Variants in NFU1 observed in about 807,000 individuals in gnomAD.
The protein encoded by NFU1 is NFU1 iron-sulfur cluster scaffold.
NFU1 carries 30 observed loss-of-function variants against 32.2 expected under a neutral mutation model. The ratio of observed to expected loss-of-function variants is 0.93; its 90% CI spans 0.70 to 1.26. NFU1 has a LOEUF of 1.26. NFU1 is among the 50% of genes most tolerant of loss of function. The pLI, the probability that NFU1 is intolerant of heterozygous loss-of-function variation, is 0.00. For synonymous variants in NFU1, 112 were observed against 104.6 expected (o/e 1.07, Z -0.43); for missense variants, 306 against 306.6 (o/e 1.00, Z 0.02).
chr2:69,396,344 C>T (rs1672330537), intron 7 of NFU1, 54 bp from the exon 8 acceptor site: 1 of 1,366,586 alleles, frequency 7.3e-7, no homozygotes. Context: ...TTAGATTTTG[C>T]TGTTTTCCTG....
chr2:69,424,219 A>ATATCTCTCTCTC (rs1427664911), intron 2 of NFU1, among the ~76,000 whole-genome samples: 28 of 126,856 alleles, frequency 2.2e-4, no homozygotes, highest in African/African-American at 7.7e-4. Context: ...ATATATATAT[A>ATATCTCTCTCTC]TCTCAATATA....
intron 2 of NFU1, among the ~76,000 whole-genome samples, chr2:69,424,368 G>T (rs989577352): frequency 9.3e-5 from 14 of 150,352 alleles, no homozygotes; most frequent in African/African-American, 3.2e-4. Context: ...GGTTCACTAC[G>T]ACCTCAAATT....
intron 2 of NFU1, among the ~76,000 whole-genome samples, chr2:69,426,582 G>A (rs926830895): frequency 5.3e-5 from 8 of 151,850 alleles, no homozygotes; most frequent in African/African-American, 1.5e-4. Context: ...CACTGTGCCC[G>A]CCAACTCTTT....
chr2:69,434,830 TG>T lies in NFU1; in HGVS notation c.62+2530del, dbSNP rs374121562. The stretch of plus-strand genomic sequence containing the variant: ...GTGGAGTTTTAGTACTCAGTCTCTC[TG>T]GATCTGAGGCTAGGGGTTTTCAAGG... On this transcript the variant is annotated intron_variant, in intron 1 of 7. Transcript: ENST00000410022. 3.8e-4 allele frequency among the ~76,000 whole-genome samples: 58 copies of T among 152,306 alleles called. 2 individuals carry two copies. The highest frequency in any genetic ancestry group is 1.4e-3 in the African/African-American group (57 of 41,570).
At chr2:69,399,776 T>C (rs1395472567) in intron 7 of NFU1, among the ~76,000 whole-genome samples, 3 of 152,170 alleles carry the variant, frequency 2.0e-5, no homozygotes, top group African/African-American at 4.8e-5. Flanking sequence ...TGTAGCCTTA[T>C]GTGCAAAATG....
chr2:69,435,994 T>C (rs1673819887), intron 1 of NFU1, among the ~76,000 whole-genome samples: 1 of 151,790 alleles, frequency 6.6e-6, no homozygotes, highest in Non-Finnish European at 1.5e-5. Flanking sequence ...TCCGCCCAGC[T>C]TGACCTCTCA....
At chr2:69,410,898 A>G (rs570217943) in intron 5 of NFU1, 1 of 152,342 alleles carries the variant, frequency 6.6e-6, no homozygotes, top group African/African-American at 2.4e-5. Flanking sequence ...CAAGATGGTC[A>G]TTAAATTTAC....
intron 5 of NFU1, among the ~76,000 whole-genome samples, chr2:69,411,656 GA>G (rs1672884124): frequency 6.6e-6 from 1 of 152,078 alleles, no homozygotes; most frequent in Non-Finnish European, 1.5e-5. Flanking sequence ...GTGGTGGCGT[GA>G]ACATGGCTCA....
chr2:69,430,988 C>T (rs1003303301), intron 2 of NFU1, among the ~76,000 whole-genome samples: 1 of 152,196 alleles, frequency 6.6e-6, no homozygotes, highest in Non-Finnish European at 1.5e-5. Context: ...CACACATACC[C>T]TCTCCCCTTA....
At position 69,431,925 on chromosome 2, in the gene NFU1, A is replaced by G; in HGVS notation, c.143T>C (p.Leu48Pro). The stretch of plus-strand genomic sequence containing the variant: ...ACCTGGGTGATAAAAGGCTGCAGGT[A>G]GTGGGAAAAGTGGTCTTTGTACAAA... ...HQFVQRPLFPLPAAFYHPVRY... is the reference protein window; with the variant it reads ...HQFVQRPLFPPPAAFYHPVRY... Residue 48 changes from leucine (L) to proline (P), a missense_variant, in exon 2 of 8, where the codon CTA becomes CCA. Leu to Pro is a moderately conservative substitution (Grantham distance 98). Transcript: ENST00000410022. 6.2e-7 allele frequency: 1 copy of G among 1,612,870 alleles called. No individual in the cohort carries two copies. Among genetic ancestry groups the G allele is most frequent in the Non-Finnish European group, 8.5e-7 (1 of 1,178,876 alleles).
chr2:69,413,539 C>T (rs1039506889), intron 5 of NFU1, among the ~76,000 whole-genome samples: 1 of 152,140 alleles, frequency 6.6e-6, no homozygotes, highest in African/African-American at 2.4e-5. Context: ...GCAGGTGAAT[C>T]CACTTGAGGT....
intron 3 of NFU1, 45 bp downstream of exon 3, chr2:69,423,537 G>T: frequency 6.3e-7 from 1 of 1,579,730 alleles, no homozygotes; most frequent in Non-Finnish European, 8.7e-7. Context: ...AAGTCAGTTA[G>T]TTATTTATGT....
intron 2 of NFU1, among the ~76,000 whole-genome samples, chr2:69,427,130 A>G (rs1673485002): frequency 6.6e-6 from 1 of 151,124 alleles, no homozygotes; most frequent in South Asian, 2.1e-4. Flanking sequence ...TCACGCCTAT[A>G]ATCCTAGCAC....
chr2:69,422,363 G>C (rs556203603), intron 3 of NFU1, among the ~76,000 whole-genome samples: 2 of 152,254 alleles, frequency 1.3e-5, no homozygotes, highest in African/African-American at 4.8e-5. Flanking sequence ...TGAAACCAGG[G>C]AAAGTGAAAC....
upstream of NFU1, among the ~76,000 whole-genome samples, chr2:69,438,485 C>T (rs1673934131): frequency 1.3e-5 from 2 of 152,120 alleles, no homozygotes; most frequent in Admixed American, 6.5e-5. Context: ...CTGGGCTGCT[C>T]TTGAACTCTG....
intron 2 of NFU1, among the ~76,000 whole-genome samples, chr2:69,430,257 G>A (rs749673939): frequency 6.6e-6 from 1 of 151,448 alleles, no homozygotes; most frequent in South Asian, 2.1e-4. Flanking sequence ...CTGCTGCCCA[G>A]GCTGAAGTGC....
At chr2:69,413,332 T>A (rs1424226859) in intron 5 of NFU1, among the ~76,000 whole-genome samples, 5 of 81,226 alleles carry the variant, frequency 6.2e-5, no homozygotes, top group African/African-American at 2.5e-4. Context: ...ATACCCAACA[T>A]ACGGGTAAAA....
chr2:69,403,900 G>A (rs529073551), intron 6 of NFU1, among the ~76,000 whole-genome samples: 1 of 150,668 alleles, frequency 6.6e-6, no homozygotes, highest in Non-Finnish European at 1.5e-5. Flanking sequence ...GTGCAGTGGT[G>A]CAATCTTGGG....
chr2:69,421,186 C>G lies in NFU1; in HGVS notation c.303-1582G>C, dbSNP rs1217390487. On this transcript the variant is annotated intron_variant, in intron 3 of 7. Coordinates refer to ENST00000410022, the MANE Select transcript of NFU1 (RefSeq NM_001002755.4). ...GCCATCACACTCCAGACACTCCAGCCTGGGCAACAAAAGTGAAACCTTATC... is the reference window on the plus strand; with the variant it reads ...GCCATCACACTCCAGACACTCCAGCGTGGGCAACAAAAGTGAAACCTTATC... 2.0e-5 allele frequency among the ~76,000 whole-genome samples: 3 copies of G among 151,796 alleles called. No homozygotes were observed. The East Asian group carries it at 5.8e-4, about 29-fold the overall frequency.
Sources: allele counts gnomAD v4.1 joint callset (sites outside exome capture counted in the v4.1 genomes callset), GRCh38; gene constraint gnomAD v4.1.1; transcripts MANE v1.5; gene names NCBI Gene and HGNC (gene_info 2026-07-23, HGNC 2026-07-21).